MYDGF: variants seen among roughly 807,000 people sequenced by gnomAD.
The protein encoded by MYDGF is myeloid-derived growth factor.
MYDGF carries 29 observed loss-of-function variants against 24.2 expected under a neutral mutation model. That is an observed-to-expected ratio of 1.20 (90% CI 0.89 to 1.63). The LOEUF (loss-of-function observed/expected upper bound fraction) is 1.63. Ranked by LOEUF, MYDGF falls within the 40% of genes most tolerant of loss-of-function variation. MYDGF has a pLI of 0.00. For synonymous variants in MYDGF, 105 were observed against 102.5 expected, an observed-to-expected ratio of 1.02 and a Z score of -0.15; for missense variants, 245 against 234.8, an observed-to-expected ratio of 1.04 and a Z score of -0.29.
chr19:4,666,195 G>C (rs1599839595), intron 2 of MYDGF, among the ~76,000 whole-genome samples: 2 of 151,954 alleles, frequency 1.3e-5, no homozygotes, highest in East Asian at 3.9e-4. Context: ...CGGGGAACCT[G>C]GTTAAACGGT....
chr19:4,659,800 G>C lies in MYDGF; in HGVS notation c.442+131C>G, dbSNP rs189470272. ...AGATATTGACGAGGTGGCCTTTATA[G>C]AATCAGTTTGTGGATGCCTGGTCTA... On this transcript the variant is annotated intron_variant, in intron 5 of 5. Coordinates refer to ENST00000262947, the MANE Select transcript of MYDGF (RefSeq NM_019107.4). The C allele has an allele frequency of 3.7e-4, 291 of 785,666 alleles. No individual in the cohort carries two copies. In the East Asian group the frequency reaches 5.2e-3, roughly 14 times the overall value. The allele number at this position is 785,666 out of a possible 1,614,324, so 48.7% of individuals were successfully genotyped here. A position where few individuals can be genotyped will look rare whatever the true frequency, so the allele number is the denominator to read the frequency against.
chr19:4,662,007 G>A (rs1315013438), intron 3 of MYDGF, among the ~76,000 whole-genome samples: 2 of 152,118 alleles, frequency 1.3e-5, no homozygotes, highest in Non-Finnish European at 2.9e-5. Flanking sequence ...ACTACAGGGC[G>A]GCCTCTGCAG....
Position 4,670,339 on chromosome 19 carries a change from G to C in MYDGF, c.-5C>G. 1 of 1,436,836 alleles carries C rather than the reference G, an allele frequency of 7.0e-7. No homozygotes were observed. Among genetic ancestry groups the C allele is most frequent in the Non-Finnish European group, 9.2e-7 (1 of 1,092,180 alleles). 89.0% of individuals were successfully genotyped at this position (1,436,836 alleles called of 1,614,324 possible). A position where few individuals can be genotyped will look rare whatever the true frequency, so the allele number is the denominator to read the frequency against. On this transcript the variant is annotated 5_prime_UTR_variant, in exon 1 of 6. Coordinates refer to ENST00000262947, the MANE Select transcript of MYDGF (RefSeq NM_019107.4). ...CCCTCCGCTGGGCGCCGCCATGTTG[G>C]ACTAGGGTCCTCAGGGCAGGGGCGG...
At chr19:4,667,475 T>C (rs2088530750) in intron 2 of MYDGF, among the ~76,000 whole-genome samples, 1 of 152,178 alleles carries the variant, frequency 6.6e-6, no homozygotes, top group Non-Finnish European at 1.5e-5. Flanking sequence ...TTTCACCATG[T>C]TGGCCAGGCT....
rs748682317 is a variant in MYDGF at position 4,668,660 on chromosome 19, GA to G, written c.175-16del. The G allele has an allele frequency of 1.7e-5, 28 of 1,605,492 alleles. No individual in the cohort carries two copies. Among genetic ancestry groups the G allele is most frequent in the African/African-American group, 2.7e-5 (2 of 74,408 alleles). ...GTATATTTGTCCTAGAGAATGGAAG[GA>G]AAAAAAAGGTTTGGTAGAAGGAAAT... On this transcript the variant is annotated splice_polypyrimidine_tract_variant and intron_variant, in intron 1 of 5. Transcript: ENST00000262947.
chr19:4,669,663 A>G (rs7248136), intron 1 of MYDGF, among the ~76,000 whole-genome samples: 56,087 of 152,108 alleles, frequency 0.37, 12,537 homozygotes, highest in African/African-American at 0.63. Context: ...GAGAGGGGAA[A>G]GGACTTTGCC....
intron 3 of MYDGF, among the ~76,000 whole-genome samples, chr19:4,663,971 C>T (rs2088501254): frequency 6.6e-6 from 1 of 151,462 alleles, no homozygotes; most frequent in Admixed American, 6.6e-5. Flanking sequence ...TGCAGGGAGC[C>T]CTCTGGAATA....
chr19:4,669,356 CAGG>C (rs1219887507), intron 1 of MYDGF, among the ~76,000 whole-genome samples: 3 of 152,194 alleles, frequency 2.0e-5, no homozygotes, highest in Admixed American at 1.3e-4. Context: ...GAGGCTGCGG[CAGG>C]AGAATGGCAT....
Position 4,670,319 on chromosome 19 carries a change from C to G in MYDGF, c.16G>C (p.Gly6Arg). Residue 6 changes from glycine (G) to arginine (R), a missense_variant, in exon 1 of 6, where the codon GGA becomes CGA. Physicochemically the swap from Gly to Arg is moderately radical, Grantham distance 125. Coordinates refer to ENST00000262947, the MANE Select transcript of MYDGF (RefSeq NM_019107.4). ...CTCGCGCCGACGCCGTTCCACCCTC[C>G]GCTGGGCGCCGCCATGTTGGACTAG... MAAPSGGWNGVGASLW... is the reference protein window; with the variant it reads MAAPSRGWNGVGASLW... The G allele has an allele frequency of 6.8e-7, 1 of 1,462,758 alleles. No homozygotes were observed. The highest frequency in any genetic ancestry group is 9.0e-7 in the Non-Finnish European group (1 of 1,106,056). The allele number at this position is 1,462,758 out of a possible 1,614,324, so 90.6% of individuals were successfully genotyped here.
At position 4,670,321 on chromosome 19, in the gene MYDGF, C is replaced by T; in HGVS notation, c.14G>A (p.Ser5Asn). 1 of 1,463,222 alleles carries T rather than the reference C, an allele frequency of 6.8e-7. No individual in the cohort carries two copies. Among genetic ancestry groups the T allele is most frequent in the Non-Finnish European group, 9.0e-7 (1 of 1,106,134 alleles). The allele number at this position is 1,463,222 out of a possible 1,614,324, so 90.6% of individuals were successfully genotyped here. ...CGCGCCGACGCCGTTCCACCCTCCG[C>T]TGGGCGCCGCCATGTTGGACTAGGG... MAAPSGGWNGVGASL... is the reference protein window; with the variant it reads MAAPNGGWNGVGASL... Residue 5 changes from serine (S) to asparagine (N), a missense_variant, in exon 1 of 6, where the codon AGC becomes AAC. Coordinates refer to ENST00000262947, the MANE Select transcript of MYDGF (RefSeq NM_019107.4).
chr19:4,658,551 G>C (rs10426629), intron 5 of MYDGF, among the ~76,000 whole-genome samples: 34 of 151,884 alleles, frequency 2.2e-4, no homozygotes, highest in Admixed American at 6.6e-5. Context: ...CAAGTCTCCC[G>C]GCCCTACCTG....
intron 4 of MYDGF, 112 bp from the exon 5 acceptor site, chr19:4,660,115 A>G (rs2088458700): frequency 2.9e-6 from 3 of 1,046,552 alleles, no homozygotes; most frequent in Non-Finnish European, 4.4e-6. Context: ...TACTTTTACT[A>G]GAGATGGAGA....
chr19:4,661,759 G>A (rs1336174454), intron 3 of MYDGF, among the ~76,000 whole-genome samples: 1 of 152,108 alleles, frequency 6.6e-6, no homozygotes. Context: ...GTCAGGGAGG[G>A]TCCAGTCACT....
At chr19:4,663,460 A>G (rs999071994) in intron 3 of MYDGF, among the ~76,000 whole-genome samples, 10 of 51,484 alleles carry the variant, frequency 1.9e-4, no homozygotes, top group African/African-American at 6.0e-4. Flanking sequence ...CCTCCAATCT[A>G]CCCTCCCCAC....
intron 2 of MYDGF, among the ~76,000 whole-genome samples, chr19:4,666,933 T>G (rs2088525807): frequency 6.6e-6 from 1 of 152,054 alleles, no homozygotes; most frequent in Non-Finnish European, 1.5e-5. Context: ...TACTGGTAGC[T>G]CAAGGTCCTC....
At chr19:4,665,820 CAAAAAAAAAAAAAAAA>C (rs533879529) in intron 2 of MYDGF, among the ~76,000 whole-genome samples, 6 of 45,474 alleles carry the variant, frequency 1.3e-4, no homozygotes, top group Non-Finnish European at 1.9e-4. Flanking sequence ...GACTCTGTCT[CAAAAAAAAAAAAAAAA>C]AAAAAAAAAA....
chr19:4,670,280 G>C lies in MYDGF; in HGVS notation c.55C>G (p.Leu19Val), dbSNP rs2088555871. The C allele has an allele frequency of 6.5e-7, 1 of 1,535,176 alleles. No homozygotes were observed. The highest frequency in any genetic ancestry group is 1.4e-5 in the African/African-American group (1 of 70,208). Reference sequence around the variant, plus strand: ...CTCAGCGCCACGGCCCCTAGGAGCAGCGCGGCCCACAAGCTCGCGCCGACG... The same window carrying C: ...CTCAGCGCCACGGCCCCTAGGAGCACCGCGGCCCACAAGCTCGCGCCGACG... Reference protein sequence around the residue: ...NGVGASLWAALLLGAVALRPA... With the variant: ...NGVGASLWAAVLLGAVALRPA... The change falls in exon 1 of 6, where the codon CTG (leucine) becomes GTG (valine). Residue 19 changes from leucine to valine, a missense_variant. Leu to Val is a conservative substitution (Grantham distance 32). Coordinates refer to ENST00000262947, the MANE Select transcript of MYDGF (RefSeq NM_019107.4).
chr19:4,666,230 T>G (rs1303928598), intron 2 of MYDGF, among the ~76,000 whole-genome samples: 3 of 152,148 alleles, frequency 2.0e-5, no homozygotes, highest in Admixed American at 1.3e-4. Flanking sequence ...GTAGGATTTC[T>G]TACAAGTGAA....
At chr19:4,665,096 G>A (rs983953268) in intron 2 of MYDGF, among the ~76,000 whole-genome samples, 159 bp from the exon 3 acceptor site, 1 of 152,202 alleles carries the variant, frequency 6.6e-6, no homozygotes, top group Non-Finnish European at 1.5e-5. Context: ...GTGGCCTGGG[G>A]TTTGCTGTCA....
Sources: allele counts gnomAD v4.1 joint callset (sites outside exome capture counted in the v4.1 genomes callset), GRCh38; gene constraint gnomAD v4.1.1; transcripts MANE v1.5; gene names NCBI Gene and HGNC (gene_info 2026-07-23, HGNC 2026-07-21).